DNM3: variants seen among roughly 807,000 people sequenced by gnomAD.
DNM3 encodes dynamin 3.
In DNM3, 47 loss-of-function variants were observed where a neutral mutation model predicts 101.6. The ratio of observed to expected loss-of-function variants is 0.46; its 90% CI spans 0.37 to 0.59. DNM3 has a LOEUF of 0.59. Ranked by LOEUF, DNM3 falls within the 20% of genes least tolerant of loss-of-function variation. The probability of loss-of-function intolerance (pLI) is 0.00; values close to 1 mark genes in which losing one functional copy is unlikely to be tolerated. For synonymous variants in DNM3, 385 were observed against 387.9 expected (o/e 0.99, Z 0.09); for missense variants, 849 against 1,085.7 (o/e 0.78, Z 3.06).
At chr1:172,362,873 C>A (rs541750527) in intron 17 of DNM3, among the ~76,000 whole-genome samples, 20 of 151,784 alleles carry the variant, frequency 1.3e-4, no homozygotes, top group Admixed American at 1.3e-3. Context: ...TATTTAACCT[C>A]TTAGCAATAT....
intron 15 of DNM3, among the ~76,000 whole-genome samples, chr1:172,254,753 T>A (rs1199665389): frequency 1.3e-5 from 2 of 152,086 alleles, no homozygotes; most frequent in Non-Finnish European, 2.9e-5. Flanking sequence ...AACTTAGCAG[T>A]AAAGTTAAAT....
intron 18 of DNM3, 98 bp from the exon 19 acceptor site, chr1:172,387,035 G>A: frequency 1.9e-6 from 2 of 1,041,996 alleles, no homozygotes; most frequent in East Asian, 2.4e-5. Flanking sequence ...GTGGACTTTG[G>A]TGGACTTTGT....
chr1:171,902,390 C>A (rs2038437482), intron 1 of DNM3, among the ~76,000 whole-genome samples: 1 of 152,138 alleles, frequency 6.6e-6, no homozygotes, highest in African/African-American at 2.4e-5. Flanking sequence ...TGTGGTAGCC[C>A]TGTTGATATT....
At chr1:171,950,981 A>T (rs949818416) in intron 2 of DNM3, among the ~76,000 whole-genome samples, 2 of 151,502 alleles carry the variant, frequency 1.3e-5, no homozygotes, top group Admixed American at 6.6e-5. Context: ...CATTTTTTGG[A>T]TGGGGAAAGG....
At chr1:171,851,413 C>A (rs879382626) in intron 1 of DNM3, among the ~76,000 whole-genome samples, 2 of 151,992 alleles carry the variant, frequency 1.3e-5, no homozygotes, top group South Asian at 2.1e-4. Flanking sequence ...TGGATTAGAA[C>A]GGTTGTTGTT....
Position 172,222,511 on chromosome 1 carries a change from C to T in DNM3, c.1660-31062C>T, listed in dbSNP as rs1232855811. Among the ~76,000 whole-genome samples, 6 of 152,014 alleles carry T rather than the reference C, an allele frequency of 3.9e-5. No individual in the cohort carries two copies. In the South Asian group the frequency reaches 1.0e-3, roughly 26 times the overall value. ...GAGAACAAGAAACATCTGGATTTTC[C>T]GAGGCTGAATAAAGAGAAAGGTTAG... On this transcript the variant is annotated intron_variant, in intron 14 of 20. Transcript: ENST00000627582.
intron 1 of DNM3, among the ~76,000 whole-genome samples, chr1:171,871,516 T>C (rs150031953): frequency 2.6e-5 from 4 of 152,322 alleles, no homozygotes; most frequent in Admixed American, 6.5e-5. Context: ...CATTGTTCAG[T>C]GCATAGGATT....
At chr1:172,273,770 C>T (rs2063172193) in intron 15 of DNM3, among the ~76,000 whole-genome samples, 1 of 151,982 alleles carries the variant, frequency 6.6e-6, no homozygotes, top group African/African-American at 2.4e-5. Flanking sequence ...AAAAAGCAAA[C>T]TAGTATTATG....
intron 4 of DNM3, among the ~76,000 whole-genome samples, chr1:171,999,224 A>G (rs2046212026): frequency 6.6e-6 from 1 of 152,004 alleles, no homozygotes; most frequent in African/African-American, 2.4e-5. Flanking sequence ...TAAGAGAGGA[A>G]TGGTACTGAG....
intron 14 of DNM3, chr1:172,138,474 T>G (rs1170339955): frequency 6.6e-6 from 1 of 152,390 alleles, no homozygotes; most frequent in Admixed American, 6.5e-5. Context: ...TTTTGTTATA[T>G]TGAGTTTTTA....
chr1:171,989,597 A>G (rs1341471809), intron 4 of DNM3, among the ~76,000 whole-genome samples: 4 of 152,142 alleles, frequency 2.6e-5, no homozygotes, highest in Non-Finnish European at 5.9e-5. Flanking sequence ...CATGTAAGAT[A>G]TTATTTAGCT....
intron 4 of DNM3, among the ~76,000 whole-genome samples, chr1:171,992,083 A>C (rs551212840): frequency 6.6e-6 from 1 of 152,276 alleles, no homozygotes; most frequent in Admixed American, 6.5e-5. Context: ...AGAATATTTT[A>C]TTTGTGTGTA....
chr1:171,928,142 G>A (rs1289358093), intron 2 of DNM3, among the ~76,000 whole-genome samples: 1 of 152,200 alleles, frequency 6.6e-6, no homozygotes, highest in African/African-American at 2.4e-5. Flanking sequence ...TTTGGGGTGT[G>A]ATCCAGTAGG....
At chr1:172,210,789 G>A (rs1178219674) in intron 14 of DNM3, among the ~76,000 whole-genome samples, 2 of 152,158 alleles carry the variant, frequency 1.3e-5, no homozygotes, top group Admixed American at 6.6e-5. Context: ...TGGAAAATCC[G>A]AGGCTTCAAC....
At chr1:172,280,907 G>A (rs1244135161) in intron 15 of DNM3, among the ~76,000 whole-genome samples, 2 of 152,232 alleles carry the variant, frequency 1.3e-5, no homozygotes, top group South Asian at 4.2e-4. Context: ...ATTGTAAATG[G>A]GTGAAAGGAC....
chr1:172,410,051 C>A lies in DNM3; in HGVS notation c.*2210C>A, dbSNP rs191703672. The A allele has an allele frequency of 5.1e-5, 50 of 985,522 alleles. No individual in the cohort carries two copies. In the East Asian group the frequency reaches 5.1e-3, roughly 101 times the overall value. The allele number at this position is 985,522 out of a possible 1,614,324, so 61.0% of individuals were successfully genotyped here. On this transcript the variant is annotated 3_prime_UTR_variant, in exon 21 of 21. Transcript: ENST00000627582. ...GATTATAGTCCCACAGTTGCACTGC[C>A]CCAATTGTCTACCTTTGTGGGTACA...
chr1:171,891,904 A>T (rs1032757258), intron 1 of DNM3, among the ~76,000 whole-genome samples: 1 of 152,172 alleles, frequency 6.6e-6, no homozygotes, highest in African/African-American at 2.4e-5. Context: ...ACCCACACTT[A>T]AGGAGTGGGG....
chr1:172,338,613 CT>C (rs1186505575), intron 17 of DNM3, among the ~76,000 whole-genome samples: 2 of 152,152 alleles, frequency 1.3e-5, no homozygotes, highest in Admixed American at 1.3e-4. Flanking sequence ...AATCCCCAGG[CT>C]GGAAGGATGA....
chr1:172,164,412 G>A (rs1318730541), intron 14 of DNM3, among the ~76,000 whole-genome samples: 3 of 151,706 alleles, frequency 2.0e-5, no homozygotes, highest in African/African-American at 7.2e-5. Context: ...GGTTGCTGAG[G>A]ATGCAATAAT....
Sources: gnomAD v4.1 joint callset for allele counts (sites outside exome capture counted in the v4.1 genomes callset) on GRCh38, gnomAD v4.1.1 for gene constraint, MANE v1.5 for transcripts, NCBI Gene and HGNC (gene_info 2026-07-23, HGNC 2026-07-21) for gene names.